KCNQ5: variants seen among roughly 807,000 people sequenced by gnomAD.
KCNQ5 encodes potassium voltage-gated channel subfamily Q member 5, also known as potassium voltage-gated channel subfamily KQT member 5.
KCNQ5 carries 30 observed loss-of-function variants against 98.2 expected under a neutral mutation model. The observed-to-expected ratio is 0.31, with a 90% CI of 0.23 to 0.41. The LOEUF is 0.41. Ranked by LOEUF, KCNQ5 falls within the 10% of genes least tolerant of loss-of-function variation. The probability of loss-of-function intolerance (pLI) is 1.00; values close to 1 mark genes in which losing one functional copy is unlikely to be tolerated. For missense variants in KCNQ5, 835 were observed against 1,182.5 expected (o/e 0.71, Z 4.31); for synonymous variants, 458 against 449.4 (o/e 1.02, Z -0.24).
intron 1 of KCNQ5, among the ~76,000 whole-genome samples, chr6:72,657,504 G>T (rs1339052421): frequency 6.6e-6 from 1 of 152,116 alleles, no homozygotes. Flanking sequence ...TTCTCAGACC[G>T]CAAGAGGTTA....
At chr6:72,696,598 T>A (rs1316444577) in intron 1 of KCNQ5, among the ~76,000 whole-genome samples, 1 of 152,056 alleles carries the variant, frequency 6.6e-6, no homozygotes, top group Non-Finnish European at 1.5e-5. Flanking sequence ...ACTCTTTATC[T>A]CTTAGTGGGC....
At chr6:73,159,887 A>G (rs1777539985) in intron 10 of KCNQ5, among the ~76,000 whole-genome samples, 1 of 152,196 alleles carries the variant, frequency 6.6e-6, no homozygotes. Flanking sequence ...TTCTGTCTTC[A>G]TGATCAAAGC....
intron 1 of KCNQ5, among the ~76,000 whole-genome samples, chr6:72,972,106 A>G (rs1767932426): frequency 6.6e-6 from 1 of 152,148 alleles, no homozygotes; most frequent in Non-Finnish European, 1.5e-5. Context: ...ATTGCCTTCT[A>G]GCTACCGGTA....
At chr6:72,624,957 C>A (rs1375131794) in intron 1 of KCNQ5, among the ~76,000 whole-genome samples, 4 of 152,304 alleles carry the variant, frequency 2.6e-5, no homozygotes, top group Admixed American at 6.5e-5. Context: ...TTTAACTAGA[C>A]CCCAATAAAA....
At chr6:73,177,753 A>C (rs1168201260) in intron 11 of KCNQ5, among the ~76,000 whole-genome samples, 1 of 152,244 alleles carries the variant, frequency 6.6e-6, no homozygotes, top group Non-Finnish European at 1.5e-5. Context: ...TTGACAGCCA[A>C]TCTATGACAT....
chr6:72,898,970 C>T lies in KCNQ5; in HGVS notation c.399-104938C>T, dbSNP rs142330420. Among the ~76,000 whole-genome samples the T allele has an allele frequency of 4.8e-3, 732 of 152,148 alleles. 11 individuals are homozygous for T. Among genetic ancestry groups the T allele is most frequent in the East Asian group, 0.02 (106 of 5,188 alleles). On this transcript the variant is annotated intron_variant, in intron 1 of 13. Coordinates refer to ENST00000370398, the MANE Select transcript of KCNQ5 (RefSeq NM_019842.4). ...CATATGTTTGTTGGCCGCATAAATG[C>T]CTTCTTTTGAGAACTGTCTGTTCAT... is the stretch of plus-strand genomic sequence containing the variant.
At chr6:72,767,043 G>A (rs1466070619) in intron 1 of KCNQ5, among the ~76,000 whole-genome samples, 1 of 151,856 alleles carries the variant, frequency 6.6e-6, no homozygotes, top group Non-Finnish European at 1.5e-5. Flanking sequence ...GATGGGTCAG[G>A]GTAAGGAACA....
At chr6:72,821,667 T>C (rs1001050934) in intron 1 of KCNQ5, among the ~76,000 whole-genome samples, 1 of 152,018 alleles carries the variant, frequency 6.6e-6, no homozygotes, top group Non-Finnish European at 1.5e-5. Context: ...CTTCTGGTAA[T>C]TTCTGACATT....
At chr6:72,641,444 G>A (rs2098927125) in intron 1 of KCNQ5, among the ~76,000 whole-genome samples, 1 of 152,116 alleles carries the variant, frequency 6.6e-6, no homozygotes, top group Non-Finnish European at 1.5e-5. Flanking sequence ...AATCTGCCAT[G>A]TTAAACAGGC....
chr6:73,185,327 A>G (rs1778533758), intron 11 of KCNQ5, among the ~76,000 whole-genome samples: 1 of 152,016 alleles, frequency 6.6e-6, no homozygotes, highest in African/African-American at 2.4e-5. Flanking sequence ...GAGCATAGGC[A>G]TGTGCCATCA....
chr6:73,153,534 T>G (rs1467926216), intron 10 of KCNQ5, among the ~76,000 whole-genome samples: 1 of 152,144 alleles, frequency 6.6e-6, no homozygotes, highest in East Asian at 1.9e-4. Flanking sequence ...AGTCAGTTAG[T>G]CCAGGCCAAC....
intron 1 of KCNQ5, among the ~76,000 whole-genome samples, chr6:72,956,046 A>G (rs1361967539): frequency 6.6e-6 from 1 of 152,216 alleles, no homozygotes; most frequent in African/African-American, 2.4e-5. Context: ...AAACTTTTCC[A>G]TTGCTGTCAA....
chr6:73,179,944 C>T (rs1020413081), intron 11 of KCNQ5, among the ~76,000 whole-genome samples: 1 of 152,134 alleles, frequency 6.6e-6, no homozygotes, highest in South Asian at 2.1e-4. Context: ...ATTGCTGTAT[C>T]CCTGGCATCT....
At chr6:73,002,052 A>G (rs2150321124) in intron 1 of KCNQ5, among the ~76,000 whole-genome samples, 1 of 152,244 alleles carries the variant, frequency 6.6e-6, no homozygotes. Flanking sequence ...GAACCCTAGG[A>G]GTTCAAGGTT....
At chr6:72,906,768 G>T (rs1705343675) in intron 1 of KCNQ5, among the ~76,000 whole-genome samples, 1 of 152,176 alleles carries the variant, frequency 6.6e-6, no homozygotes, top group South Asian at 2.1e-4. Flanking sequence ...GGTCCTGCAG[G>T]AGCAATCCAC....
In KCNQ5 at chr6:72,787,539, T is replaced by A. The variant is rs1429736738; in HGVS notation, c.398+164952T>A. Among the ~76,000 whole-genome samples, 8 of 146,424 alleles carry A rather than the reference T, an allele frequency of 5.5e-5. 2 individuals are homozygous for A. Among genetic ancestry groups the A allele is most frequent in the African/African-American group, 1.5e-4 (6 of 40,326 alleles). ...CTGGTGAGGCCTAAGTATCAGTATT[T>A]AAAAAAAAAAAAAATTGAATGCTGT... On this transcript the variant is annotated intron_variant, in intron 1 of 13. Transcript: ENST00000370398.
chr6:72,876,098 A>G (rs77914691), intron 1 of KCNQ5, among the ~76,000 whole-genome samples: 7,136 of 152,134 alleles, frequency 0.047, 233 homozygotes, highest in Middle Eastern at 0.075. Flanking sequence ...ACAGAAAACA[A>G]CATTTATAGT....
intron 1 of KCNQ5, among the ~76,000 whole-genome samples, chr6:72,809,332 T>G (rs1775121484): frequency 6.6e-6 from 1 of 151,172 alleles, no homozygotes; most frequent in Non-Finnish European, 1.5e-5. Flanking sequence ...GCATGGCACA[T>G]GTATACATAT....
chr6:72,704,663 G>A (rs1768985710), intron 1 of KCNQ5, among the ~76,000 whole-genome samples: 1 of 151,670 alleles, frequency 6.6e-6, no homozygotes. Flanking sequence ...TTCCATTCAT[G>A]TAAATATAAA....
Sources: allele counts gnomAD v4.1 joint callset (sites outside exome capture counted in the v4.1 genomes callset), GRCh38; gene constraint gnomAD v4.1.1; transcripts MANE v1.5; gene names NCBI Gene and HGNC (gene_info 2026-07-23, HGNC 2026-07-21).